Variants in VSX2 observed in about 807,000 individuals in gnomAD.
VSX2 encodes visual system homeobox 2, also known as ceh-10 homeo domain containing homolog.
A neutral mutation model predicts 32.1 loss-of-function variants in VSX2; 28 were observed. That is an observed-to-expected ratio of 0.87 (90% CI 0.65 to 1.20). The LOEUF is 1.20. VSX2 is among the 50% of genes most tolerant of loss of function. VSX2 has a pLI of 0.00. For missense variants in VSX2, 506 were observed against 488.7 expected (o/e 1.04, Z -0.33); for synonymous variants, 243 against 214.1 (o/e 1.14, Z -1.18).
At chr14:74,256,651 A>T (rs1239857246) in intron 3 of VSX2, among the ~76,000 whole-genome samples, 1 of 147,976 alleles carries the variant, frequency 6.8e-6, no homozygotes, top group Admixed American at 6.8e-5. Flanking sequence ...TGAGAGGTGG[A>T]TAAAACCGGG....
At chr14:74,241,404 G>A in intron 2 of VSX2, 138 bp downstream of exon 2, 1 of 992,502 alleles carries the variant, frequency 1.0e-6, no homozygotes, top group Non-Finnish European at 1.5e-6. Flanking sequence ...GCAGACCACG[G>A]GTTGTTTGGC....
At chr14:74,239,984 C>A (rs1222913515) in intron 1 of VSX2, 53 bp downstream of exon 1, 11 of 1,537,018 alleles carry the variant, frequency 7.2e-6, no homozygotes, top group East Asian at 2.5e-5. Flanking sequence ...CAGCCGGGAG[C>A]CCCGCGCCGT....
At chr14:74,257,120 G>A (rs1298438575) in intron 3 of VSX2, among the ~76,000 whole-genome samples, 1 of 152,172 alleles carries the variant, frequency 6.6e-6, no homozygotes, top group East Asian at 1.9e-4. Context: ...AACACAGCTA[G>A]TCGGGCACAC....
At chr14:74,260,423 TC>T (rs1391963917) in intron 4 of VSX2, among the ~76,000 whole-genome samples, 170 bp from the exon 5 acceptor site, 1 of 152,160 alleles carries the variant, frequency 6.6e-6, no homozygotes, top group Non-Finnish European at 1.5e-5. Context: ...TGGCGACCCA[TC>T]TCCCCATTCC....
chr14:74,243,611 G>C (rs533195633), intron 2 of VSX2, among the ~76,000 whole-genome samples: 5 of 151,946 alleles, frequency 3.3e-5, no homozygotes, highest in African/African-American at 1.2e-4. Context: ...TCTGTCCATG[G>C]GCCCTTCAGC....
chr14:74,248,701 G>C (rs1453277965), intron 3 of VSX2, among the ~76,000 whole-genome samples: 1 of 44,888 alleles, frequency 2.2e-5, no homozygotes, highest in Non-Finnish European at 4.9e-5. Flanking sequence ...AAAAACAAAC[G>C]AACAAAAAAA....
At chr14:74,248,349 A>AAAC (rs1787057121) in intron 3 of VSX2, among the ~76,000 whole-genome samples, 1 of 140,154 alleles carries the variant, frequency 7.1e-6, no homozygotes, top group African/African-American at 2.6e-5. Flanking sequence ...AAAAAAAAAA[A>AAAC]AACAAAAAAA....
chr14:74,239,495 G>A lies in VSX2; in HGVS notation c.-67G>A, dbSNP rs573486688. 54 of 1,548,010 alleles carry A rather than the reference G, an allele frequency of 3.5e-5. No homozygotes were observed. The African/African-American group carries it at 7.1e-4, about 20-fold the overall frequency. ...CACCTGGGACCAACTTCGCGAAGCG[G>A]GAAGCCCGGCGGGGGGGTGGGGGGA... On this transcript the variant is annotated 5_prime_UTR_variant, in exon 1 of 5. Transcript: ENST00000261980.
intron 3 of VSX2, among the ~76,000 whole-genome samples, chr14:74,258,604 G>A (rs1261774060): frequency 6.6e-6 from 1 of 152,150 alleles, no homozygotes; most frequent in African/African-American, 2.4e-5. Context: ...CCATTACCCC[G>A]CGGGCCTGGA....
intron 3 of VSX2, among the ~76,000 whole-genome samples, chr14:74,256,156 C>G (rs1042879720): frequency 6.6e-6 from 1 of 152,168 alleles, no homozygotes; most frequent in Admixed American, 6.5e-5. Context: ...TTTGGCCAGG[C>G]ACGGTGGCTC....
chr14:74,260,916 T>C lies in VSX2; in HGVS notation c.1083T>C (p.Ala361=). ...RLSPPQLEDM[A] Reference sequence around the variant, plus strand: ...GTCCACCGCAGCTGGAGGACATGGCTTAGGTCAAGGCGCGCTCAGATGCCG... The same window carrying C: ...GTCCACCGCAGCTGGAGGACATGGCCTAGGTCAAGGCGCGCTCAGATGCCG... Residue 361 remains alanine, a synonymous_variant, in exon 5 of 5, where the codon GCT becomes GCC. Coordinates refer to ENST00000261980, the MANE Select transcript of VSX2 (RefSeq NM_182894.3). The C allele has an allele frequency of 6.4e-7, 1 of 1,556,888 alleles. No individual in the cohort carries two copies. Among genetic ancestry groups the C allele is most frequent in the Non-Finnish European group, 8.7e-7 (1 of 1,151,156 alleles).
At position 74,258,339 on chromosome 14, in the gene VSX2, G is replaced by T. The variant is rs1205416793; in HGVS notation, c.580-1263G>T. On this transcript the variant is annotated intron_variant, in intron 3 of 4. Coordinates refer to ENST00000261980, the MANE Select transcript of VSX2 (RefSeq NM_182894.3). ...CCCTGGGGGTGACTCTTCTTTTGCC[G>T]CCTCCTGAATAGAGCTGGAGCAATT... Among the ~76,000 whole-genome samples, 5 of 152,144 alleles carry T rather than the reference G, an allele frequency of 3.3e-5. 1 individual carries two copies. The Middle Eastern group carries it at 0.01, about 310-fold the overall frequency.
chr14:74,250,402 G>A (rs2079220872), intron 3 of VSX2, among the ~76,000 whole-genome samples: 1 of 152,108 alleles, frequency 6.6e-6, no homozygotes, highest in African/African-American at 2.4e-5. Context: ...ATATATTCAT[G>A]TGTTTATTTT....
chr14:74,257,709 A>ACCCCCCCCCCCCCCCCCCCCCCCCCCC (rs33974776), intron 3 of VSX2, among the ~76,000 whole-genome samples: 1 of 133,980 alleles, frequency 7.5e-6, no homozygotes, highest in African/African-American at 2.9e-5. Flanking sequence ...CGCGCGGACC[A>ACCCCCCCCCCCCCCCCCCCCCCCCCCC]CCCCCCACCC....
Position 74,262,475 on chromosome 14 carries a change from A to G in VSX2, c.*1556A>G, listed in dbSNP as rs1303075951. 1.3e-5 allele frequency: 2 copies of G among 152,186 alleles called. No individual in the cohort carries two copies. The highest frequency in any genetic ancestry group is 2.9e-5 in the Non-Finnish European group (2 of 68,036). 9.4% of individuals were successfully genotyped at this position (152,186 alleles called of 1,614,324 possible). On this transcript the variant is annotated 3_prime_UTR_variant, in exon 5 of 5. Coordinates refer to ENST00000261980, the MANE Select transcript of VSX2 (RefSeq NM_182894.3). ...CAGTGCGTTGCAACTTTTTAATTCC[A>G]TATCAAAAGTTGATTTCTTCTTCAT...
intron 1 of VSX2, 108 bp from the exon 2 acceptor site, chr14:74,241,074 C>T: frequency 8.8e-7 from 1 of 1,133,850 alleles, no homozygotes; most frequent in Non-Finnish European, 1.3e-6. Flanking sequence ...GGAGACAGAG[C>T]AGGTCCCCGC....
At chr14:74,245,416 G>C in intron 3 of VSX2, 128 bp downstream of exon 3, 1 of 1,332,110 alleles carries the variant, frequency 7.5e-7, no homozygotes. Context: ...CTATGATCAT[G>C]TTCTCAGCCT....
intron 1 of VSX2, 38 bp from the exon 2 acceptor site, chr14:74,241,144 C>G: frequency 6.2e-7 from 1 of 1,601,310 alleles, no homozygotes; most frequent in Non-Finnish European, 8.5e-7. Context: ...CGGAGCGCGT[C>G]CCCCACTCTG....
intron 2 of VSX2, among the ~76,000 whole-genome samples, chr14:74,243,046 G>C (rs7150128): frequency 0.075 from 11,354 of 152,224 alleles, 764 homozygotes; most frequent in African/African-American, 0.17. Context: ...TGCATGAAGG[G>C]AGAAGGTTAT....
Sources: allele counts gnomAD v4.1 joint callset (sites outside exome capture counted in the v4.1 genomes callset), GRCh38; gene constraint gnomAD v4.1.1; transcripts MANE v1.5; gene names NCBI Gene and HGNC (gene_info 2026-07-23, HGNC 2026-07-21).